PDE1C: variants seen among roughly 807,000 people sequenced by gnomAD.
PDE1C encodes phosphodiesterase 1C, also known as dual specificity calcium/calmodulin-dependent 3',5'-cyclic nucleotide phosphodiesterase 1C.
Under a neutral mutation model 93.1 loss-of-function variants are expected in PDE1C, and 62 were observed. That is an observed-to-expected ratio of 0.67 (90% CI 0.54 to 0.82). PDE1C has a LOEUF of 0.82. Among genes scored for constraint, PDE1C ranks in the 40% least tolerant of loss-of-function variants. PDE1C has a pLI of 0.00. For missense variants in PDE1C, 742 were observed against 884.6 expected (o/e 0.84, Z 2.04); for synonymous variants, 325 against 310.1 (o/e 1.05, Z -0.50).
chr7:32,104,005 T>C (rs1388062908), intron 3 of PDE1C, among the ~76,000 whole-genome samples: 3 of 151,640 alleles, frequency 2.0e-5, no homozygotes, highest in Non-Finnish European at 4.4e-5. Context: ...GACAAAGACA[T>C]GGAAAATAAT....
At chr7:31,855,988 T>C (rs969070706) in intron 7 of PDE1C, among the ~76,000 whole-genome samples, 2 of 152,116 alleles carry the variant, frequency 1.3e-5, no homozygotes, top group Non-Finnish European at 2.9e-5. Context: ...GGATTTTCTC[T>C]TGGAAATGAG....
chr7:31,880,326 G>A (rs2128878155), intron 3 of PDE1C, among the ~76,000 whole-genome samples: 1 of 152,284 alleles, frequency 6.6e-6, no homozygotes, highest in East Asian at 1.9e-4. Context: ...GGGTGCTTAA[G>A]AGAACACATG....
chr7:32,026,480 T>C (rs1400394474), intron 2 of PDE1C, among the ~76,000 whole-genome samples: 1 of 152,106 alleles, frequency 6.6e-6, no homozygotes, highest in Non-Finnish European at 1.5e-5. Flanking sequence ...GTCTTCACCA[T>C]TGCACACCTA....
chr7:32,267,465 G>A (rs758235217), intron 1 of PDE1C, among the ~76,000 whole-genome samples: 4 of 152,118 alleles, frequency 2.6e-5, no homozygotes, highest in Admixed American at 6.5e-5. Flanking sequence ...GAGTCAGGTA[G>A]AAGGGGGTGA....
intron 1 of PDE1C, among the ~76,000 whole-genome samples, chr7:32,386,888 T>A (rs1179701911): frequency 2.0e-5 from 3 of 152,124 alleles, no homozygotes; most frequent in Non-Finnish European, 4.4e-5. Context: ...TTTTTATTTT[T>A]TTTTTTATTG....
intron 1 of PDE1C, among the ~76,000 whole-genome samples, chr7:32,408,390 C>G (rs942476294): frequency 1.3e-5 from 2 of 152,186 alleles, no homozygotes; most frequent in Admixed American, 1.3e-4. Flanking sequence ...ATCTAGAAAT[C>G]AGGAACTTGG....
At chr7:32,136,856 T>C (rs1246466699) in intron 3 of PDE1C, among the ~76,000 whole-genome samples, 1 of 152,238 alleles carries the variant, frequency 6.6e-6, no homozygotes, top group African/African-American at 2.4e-5. Flanking sequence ...GCAAAAATTA[T>C]CTTCATCTGA....
At chr7:32,398,382 G>T (rs1157443226) in intron 1 of PDE1C, among the ~76,000 whole-genome samples, 5 of 151,824 alleles carry the variant, frequency 3.3e-5, no homozygotes, top group East Asian at 2.0e-4. Flanking sequence ...TCACTTGGTA[G>T]GAACTGTGAT....
At chr7:31,969,391 A>G (rs1192027678) in intron 2 of PDE1C, among the ~76,000 whole-genome samples, 1 of 152,370 alleles carries the variant, frequency 6.6e-6, no homozygotes, top group East Asian at 1.9e-4. Flanking sequence ...ACATGAAAAA[A>G]TGCTCATCAT....
chr7:31,746,920 G>A (rs1794019331), downstream of PDE1C, among the ~76,000 whole-genome samples: 1 of 152,218 alleles, frequency 6.6e-6, no homozygotes, highest in African/African-American at 2.4e-5. Context: ...GGTGCATGGA[G>A]GCCAGAGGTC....
chr7:31,706,378 T>C, the PDE1C span, among the ~76,000 whole-genome samples: 1 of 152,286 alleles, frequency 6.6e-6, no homozygotes, highest in East Asian at 1.9e-4. Context: ...TTTATAAGGT[T>C]GCATTTCAAA....
intron 3 of PDE1C, among the ~76,000 whole-genome samples, chr7:32,085,765 T>C (rs927743826): frequency 8.6e-5 from 13 of 151,812 alleles, no homozygotes; most frequent in Non-Finnish European, 1.8e-4. Flanking sequence ...CATTATTATC[T>C]CAATAGATGC....
intron 14 of PDE1C, 116 bp from the exon 15 acceptor site, chr7:31,816,270 G>C (rs1436367032): frequency 1.1e-6 from 1 of 917,658 alleles, no homozygotes; most frequent in Non-Finnish European, 1.6e-6. Context: ...GAGTGTTTGG[G>C]TACATTTTTG....
chr7:31,676,358 A>G, the PDE1C span, among the ~76,000 whole-genome samples: 1 of 151,958 alleles, frequency 6.6e-6, no homozygotes, highest in Admixed American at 6.6e-5. Context: ...TAGTAATAAC[A>G]CTAAGAGCAT....
the PDE1C span, among the ~76,000 whole-genome samples, chr7:31,617,182 A>G: frequency 6.6e-6 from 1 of 152,208 alleles, no homozygotes; most frequent in Non-Finnish European, 1.5e-5. Flanking sequence ...AAAAGCCTGG[A>G]GAAGGGAAGA....
At chr7:32,159,621 A>G (rs1801787620) in intron 3 of PDE1C, among the ~76,000 whole-genome samples, 1 of 152,274 alleles carries the variant, frequency 6.6e-6, no homozygotes, top group Non-Finnish European at 1.5e-5. Flanking sequence ...CTTAGCCCCA[A>G]GCCTGGTACT....
chr7:32,394,133 T>C (rs1239415379), intron 1 of PDE1C, among the ~76,000 whole-genome samples: 2 of 152,210 alleles, frequency 1.3e-5, no homozygotes, highest in African/African-American at 4.8e-5. Flanking sequence ...TGCCTCTACA[T>C]AGAGACCCCT....
At chr7:32,207,344 T>C (rs942844657) in intron 2 of PDE1C, among the ~76,000 whole-genome samples, 6 of 146,752 alleles carry the variant, frequency 4.1e-5, no homozygotes, top group Admixed American at 2.7e-4. Flanking sequence ...CAGTACTTCA[T>C]CTTCCAGTCT....
chr7:31,750,658 C>T (rs1562734716), downstream of PDE1C, among the ~76,000 whole-genome samples: 1 of 152,240 alleles, frequency 6.6e-6, no homozygotes. Context: ...CCAGAGCAAA[C>T]AAAAGGCAGT....
Sources: gnomAD v4.1 joint callset for allele counts (sites outside exome capture counted in the v4.1 genomes callset) on GRCh38, gnomAD v4.1.1 for gene constraint, MANE v1.5 for transcripts, NCBI Gene and HGNC (gene_info 2026-07-23, HGNC 2026-07-21) for gene names.